The following GALNT13 variants were observed in gnomAD, a reference collection of about 807,000 sequenced individuals.
GALNT13 encodes the protein UDP-GalNAc:polypeptide N-acetylgalactosaminyltransferase 13.
A neutral mutation model predicts 64.2 loss-of-function variants in GALNT13; 28 were observed. The ratio of observed to expected loss-of-function variants is 0.44; its 90% CI spans 0.32 to 0.60. The LOEUF (loss-of-function observed/expected upper bound fraction) is 0.60, where lower values mean the gene tolerates loss of function less well. Ranked by LOEUF, GALNT13 falls within the 20% of genes least tolerant of loss-of-function variation. GALNT13 has a pLI of 0.05. For missense variants in GALNT13, 577 were observed against 669.8 expected, an observed-to-expected ratio of 0.86 and a Z score of 1.53; for synonymous variants, 214 against 224.6, an observed-to-expected ratio of 0.95 and a Z score of 0.42.
the GALNT13 span, among the ~76,000 whole-genome samples, chr2:153,409,312 G>GT: frequency 6.8e-6 from 1 of 147,040 alleles, no homozygotes; most frequent in African/African-American, 2.5e-5. Context: ...ATATATATAT[G>GT]AATATGTATA....
chr2:153,179,459 A>C, the GALNT13 span, among the ~76,000 whole-genome samples: 1 of 152,032 alleles, frequency 6.6e-6, no homozygotes, highest in Admixed American at 6.6e-5. Context: ...CTTTCACTTC[A>C]TATATAATTT....
At chr2:154,396,155 G>A in intron 10 of GALNT13, 25 bp downstream of exon 10, 2 of 1,508,128 alleles carry the variant, frequency 1.3e-6, no homozygotes, top group South Asian at 1.3e-5. Flanking sequence ...TTTTGGTTAA[G>A]TTATAAATAT....
the GALNT13 span, among the ~76,000 whole-genome samples, chr2:153,263,383 T>G: frequency 0.012 from 1,903 of 152,264 alleles, 16 homozygotes; most frequent in Non-Finnish European, 0.02. Flanking sequence ...AAGTAATTTA[T>G]AGATTCAGTG....
intron 3 of GALNT13, among the ~76,000 whole-genome samples, chr2:154,128,375 TTTAG>T: frequency 6.6e-6 from 1 of 152,272 alleles, no homozygotes; most frequent in African/African-American, 2.4e-5. Flanking sequence ...GCTTGCATTA[TTTAG>T]TTAGCACATT....
At chr2:154,353,750 T>C (rs1445253403) in intron 9 of GALNT13, among the ~76,000 whole-genome samples, 1 of 152,220 alleles carries the variant, frequency 6.6e-6, no homozygotes, top group Admixed American at 6.5e-5. Flanking sequence ...AAGATATCCT[T>C]TATTCTTGCT....
intron 9 of GALNT13, among the ~76,000 whole-genome samples, chr2:154,307,482 A>G (rs75821867): frequency 0.03 from 4,568 of 152,300 alleles, 124 homozygotes; most frequent in Non-Finnish European, 0.04. Context: ...TATATATCCT[A>G]ACAGTCTTGG....
the GALNT13 span, among the ~76,000 whole-genome samples, chr2:153,224,108 A>G: frequency 6.6e-6 from 1 of 152,220 alleles, no homozygotes; most frequent in African/African-American, 2.4e-5. Context: ...CCTTAGGAAA[A>G]CAGAAGAGCA....
chr2:153,949,341 T>C (rs1039553939), intron 3 of GALNT13, among the ~76,000 whole-genome samples: 2 of 151,920 alleles, frequency 1.3e-5, no homozygotes, highest in Admixed American at 1.3e-4. Flanking sequence ...TAATTGATAT[T>C]AGGATCAGGA....
At chr2:153,111,963 A>G in the GALNT13 span, among the ~76,000 whole-genome samples, 1 of 152,156 alleles carries the variant, frequency 6.6e-6, no homozygotes, top group Non-Finnish European at 1.5e-5. Flanking sequence ...TTATCCTAGT[A>G]CTTATTTAAA....
chr2:154,249,405 A>C lies in GALNT13; in HGVS notation c.857+3423A>C, dbSNP rs143308591. On this transcript the variant is annotated intron_variant, in intron 7 of 12. Transcript: ENST00000392825. ...CAAGTGTGGATGTACAGGAATAATT[A>C]TGTCTACTACTAAAGTGGTGTGGAC... Among the ~76,000 whole-genome samples, 8 of 152,306 alleles carry C rather than the reference A, an allele frequency of 5.3e-5. 1 individual carries two copies. The highest frequency in any genetic ancestry group is 2.1e-4 in the South Asian group (1 of 4,826).
intron 10 of GALNT13, among the ~76,000 whole-genome samples, chr2:154,403,237 G>C (rs1422518079): frequency 2.0e-5 from 3 of 152,096 alleles, no homozygotes. Flanking sequence ...CGGATCACTT[G>C]AGATCAGGAG....
At chr2:154,239,004 AAG>A (rs1427747169) in intron 4 of GALNT13, among the ~76,000 whole-genome samples, 2 of 152,116 alleles carry the variant, frequency 1.3e-5, no homozygotes, top group African/African-American at 4.8e-5. Flanking sequence ...ACACAGGAAG[AAG>A]AGGAAGAATT....
chr2:153,753,374 T>C, the GALNT13 span, among the ~76,000 whole-genome samples: 1 of 152,202 alleles, frequency 6.6e-6, no homozygotes, highest in Non-Finnish European at 1.5e-5. Context: ...GGCTTGTTTG[T>C]ATCTGTCCAT....
At chr2:153,234,435 A>C in the GALNT13 span, among the ~76,000 whole-genome samples, 3 of 152,024 alleles carry the variant, frequency 2.0e-5, no homozygotes, top group African/African-American at 7.3e-5. Context: ...GCTGTTTGGT[A>C]CTCTAGCTGG....
At chr2:154,106,747 T>C (rs1265113134) in intron 3 of GALNT13, among the ~76,000 whole-genome samples, 1 of 151,996 alleles carries the variant, frequency 6.6e-6, no homozygotes, top group Non-Finnish European at 1.5e-5. Context: ...TTACTGTAAA[T>C]TGATAATTTA....
At chr2:153,487,977 T>G in the GALNT13 span, among the ~76,000 whole-genome samples, 3 of 152,164 alleles carry the variant, frequency 2.0e-5, no homozygotes, top group Non-Finnish European at 4.4e-5. Context: ...CTGCAGGCAG[T>G]CCAAAGGAAT....
chr2:154,316,583 T>C (rs1694329251), intron 9 of GALNT13, among the ~76,000 whole-genome samples: 1 of 152,148 alleles, frequency 6.6e-6, no homozygotes, highest in African/African-American at 2.4e-5. Context: ...GAAATGAAGT[T>C]TATTTAGCTC....
intron 9 of GALNT13, among the ~76,000 whole-genome samples, chr2:154,367,748 A>G (rs1214069163): frequency 6.6e-6 from 1 of 152,190 alleles, no homozygotes; most frequent in Non-Finnish European, 1.5e-5. Flanking sequence ...GACCTTGCCA[A>G]TTTCTCTATT....
At chr2:153,439,579 G>C in the GALNT13 span, among the ~76,000 whole-genome samples, 1 of 152,178 alleles carries the variant, frequency 6.6e-6, no homozygotes, top group Non-Finnish European at 1.5e-5. Flanking sequence ...TGCTGTGCTA[G>C]CAATGAGGAA....
Sources: allele counts gnomAD v4.1 joint callset (sites outside exome capture counted in the v4.1 genomes callset), GRCh38; gene constraint gnomAD v4.1.1; transcripts MANE v1.5; gene names NCBI Gene and HGNC (gene_info 2026-07-23, HGNC 2026-07-21).